Variants in NRG1 observed in about 807,000 individuals in gnomAD.
The protein encoded by NRG1 is neuregulin 1, also known as pro-neuregulin-1, membrane-bound isoform.
A neutral mutation model predicts 63.8 loss-of-function variants in NRG1; 18 were observed. The observed-to-expected ratio is 0.28, with a 90% CI of 0.19 to 0.42. NRG1 has a LOEUF of 0.42. Among genes scored for constraint, NRG1 ranks in the 10% least tolerant of loss-of-function variants. The pLI is 1.00. For missense variants in NRG1, 762 were observed against 814.7 expected (o/e 0.94, Z 0.79); for synonymous variants, 302 against 301.3 (o/e 1.00, Z -0.02).
At chr8:32,493,347 C>G (rs1177676280) in intron 1 of NRG1, among the ~76,000 whole-genome samples, 1 of 152,130 alleles carries the variant, frequency 6.6e-6, no homozygotes, top group Non-Finnish European at 1.5e-5. Flanking sequence ...GGGGCATGCT[C>G]CCTCCCCACG....
At chr8:32,059,561 C>T (rs575869067) in intron 1 of NRG1, among the ~76,000 whole-genome samples, 16 of 152,054 alleles carry the variant, frequency 1.1e-4, no homozygotes, top group African/African-American at 2.4e-4. Context: ...CTTTGGCCGA[C>T]GATAGAATTC....
At chr8:32,169,301 A>C (rs1184423889) in intron 1 of NRG1, among the ~76,000 whole-genome samples, 2 of 152,162 alleles carry the variant, frequency 1.3e-5, no homozygotes, top group Admixed American at 1.3e-4. Flanking sequence ...ATCATGGTAC[A>C]ATTGGTTTTC....
chr8:32,079,352 T>C (rs1420389174), intron 1 of NRG1, among the ~76,000 whole-genome samples: 1 of 152,186 alleles, frequency 6.6e-6, no homozygotes, highest in Non-Finnish European at 1.5e-5. Flanking sequence ...AATAATTAAC[T>C]GAACAAAAGC....
intron 5 of NRG1, among the ~76,000 whole-genome samples, chr8:32,642,187 T>G (rs1163034486): frequency 6.6e-6 from 1 of 152,194 alleles, no homozygotes; most frequent in Admixed American, 6.5e-5. Flanking sequence ...TGGCTATGAA[T>G]AAAGCCTGCT....
At chr8:31,930,043 C>A (rs141881063) in intron 1 of NRG1, among the ~76,000 whole-genome samples, 1 of 152,284 alleles carries the variant, frequency 6.6e-6, no homozygotes, top group African/African-American at 2.4e-5. Context: ...CTTGCCAGGT[C>A]AGTAGGACAG....
At chr8:32,339,962 A>T (rs1803847053) in intron 1 of NRG1, among the ~76,000 whole-genome samples, 1 of 152,034 alleles carries the variant, frequency 6.6e-6, no homozygotes, top group Non-Finnish European at 1.5e-5. Context: ...GAGGTCTGAG[A>T]TACTGGCTTT....
intron 7 of NRG1, chr8:32,749,491 G>A: frequency 6.9e-7 from 1 of 1,452,312 alleles, no homozygotes; most frequent in Non-Finnish European, 9.7e-7. Flanking sequence ...GTTTTGGAGT[G>A]CAGTGTATTG....
intron 1 of NRG1, among the ~76,000 whole-genome samples, chr8:32,108,902 T>G (rs944642203): frequency 6.6e-6 from 1 of 152,164 alleles, no homozygotes; most frequent in Non-Finnish European, 1.5e-5. Context: ...AACCGTAAGA[T>G]AATAAATTCA....
At chr8:32,488,058 T>C (rs2129494269) in intron 1 of NRG1, among the ~76,000 whole-genome samples, 1 of 152,334 alleles carries the variant, frequency 6.6e-6, no homozygotes, top group East Asian at 1.9e-4. Flanking sequence ...AAAGGCATCC[T>C]GCTGGCTAAT....
chr8:32,702,283 A>C (rs1815117136), intron 5 of NRG1, among the ~76,000 whole-genome samples: 1 of 152,220 alleles, frequency 6.6e-6, no homozygotes, highest in Admixed American at 6.5e-5. Context: ...AGCTGGTGGA[A>C]AAATGTGTTT....
intron 1 of NRG1, among the ~76,000 whole-genome samples, chr8:31,959,531 C>T (rs191964120): frequency 6.6e-6 from 1 of 152,136 alleles, no homozygotes; most frequent in East Asian, 1.9e-4. Context: ...CACAGGAGAA[C>T]GTAAGACCAG....
At chr8:31,818,629 T>G (rs77175204) in intron 1 of NRG1, among the ~76,000 whole-genome samples, 1,597 of 152,264 alleles carry the variant, frequency 0.01, 18 homozygotes, top group Non-Finnish European at 0.016. Flanking sequence ...GCCACTGATT[T>G]AACAGGCTGC....
At chr8:32,011,550 A>C (rs1401544912) in intron 1 of NRG1, among the ~76,000 whole-genome samples, 4 of 152,244 alleles carry the variant, frequency 2.6e-5, no homozygotes, top group Admixed American at 2.0e-4. Flanking sequence ...TCACTTTTGC[A>C]GCTGACAATT....
intron 1 of NRG1, among the ~76,000 whole-genome samples, chr8:31,961,846 G>A (rs144190872): frequency 0.01 from 1,557 of 152,244 alleles, 26 homozygotes; most frequent in South Asian, 0.074. Flanking sequence ...TGACCCATCT[G>A]ACACATATAT....
intron 1 of NRG1, among the ~76,000 whole-genome samples, chr8:31,705,018 A>G (rs1015134293): frequency 6.6e-6 from 1 of 151,768 alleles, no homozygotes; most frequent in Admixed American, 6.6e-5. Context: ...CTACATGAGG[A>G]GAGCAAGGTT....
intron 1 of NRG1, among the ~76,000 whole-genome samples, chr8:31,843,158 T>C (rs956756622): frequency 6.6e-6 from 1 of 152,280 alleles, no homozygotes; most frequent in Non-Finnish European, 1.5e-5. Context: ...CAGTGAACCT[T>C]GCAGCCAGCA....
intron 1 of NRG1, among the ~76,000 whole-genome samples, chr8:32,032,908 A>G (rs1179486749): frequency 1.3e-5 from 2 of 152,096 alleles, no homozygotes; most frequent in South Asian, 2.1e-4. Context: ...TGGGGTTTAC[A>G]TGTAAGTCTT....
At chr8:32,608,092 G>GTTTTT (rs1226154193) in intron 3 of NRG1, among the ~76,000 whole-genome samples, 3 of 106,184 alleles carry the variant, frequency 2.8e-5, no homozygotes, top group African/African-American at 6.7e-5. Context: ...GGTTTTTTTT[G>GTTTTT]TTTTTTTTTT....
chr8:31,978,168 C>T (rs1350898423), intron 1 of NRG1, among the ~76,000 whole-genome samples: 9 of 152,076 alleles, frequency 5.9e-5, no homozygotes, highest in East Asian at 3.9e-4. Flanking sequence ...AATAATAGCA[C>T]TGATTTATTT....
Sources: allele counts gnomAD v4.1 joint callset (sites outside exome capture counted in the v4.1 genomes callset), GRCh38; gene constraint gnomAD v4.1.1; transcripts MANE v1.5; gene names NCBI Gene and HGNC (gene_info 2026-07-23, HGNC 2026-07-21).